Variants in TRPM3 observed in about 807,000 individuals in gnomAD.
TRPM3 encodes transient receptor potential cation channel subfamily M member 3.
TRPM3 carries 77 observed loss-of-function variants against 181.2 expected under a neutral mutation model. The ratio of observed to expected loss-of-function variants is 0.42; its 90% CI spans 0.35 to 0.51. The LOEUF (loss-of-function observed/expected upper bound fraction) is 0.51, where lower values mean the gene tolerates loss of function less well. Among genes scored for constraint, TRPM3 ranks in the 20% least tolerant of loss-of-function variants. TRPM3 has a pLI of 0.01. For missense variants in TRPM3, 1,759 were observed against 2,196.7 expected (o/e 0.80, Z 3.98); for synonymous variants, 745 against 796.4 (o/e 0.94, Z 1.09).
chr9:70,800,729 A>G (rs544729955), intron 6 of TRPM3, among the ~76,000 whole-genome samples: 1 of 152,324 alleles, frequency 6.6e-6, no homozygotes, highest in East Asian at 1.9e-4. Flanking sequence ...AGAATACAGT[A>G]TATAATATAC....
intron 1 of TRPM3, among the ~76,000 whole-genome samples, chr9:70,942,930 A>T (rs1284167769): frequency 6.6e-6 from 1 of 152,130 alleles, no homozygotes; most frequent in Non-Finnish European, 1.5e-5. Flanking sequence ...GGCTTTGGGG[A>T]TTAAAGATAA....
chr9:70,681,593 A>G lies in TRPM3; in HGVS notation c.1273-15T>C, dbSNP rs376718093. ...AATACCGTAATCTGCAATTTGAGAC[A>G]AGGTGATCATTAGCAAAGCATTTTT... On this transcript the variant is annotated splice_polypyrimidine_tract_variant and intron_variant, in intron 8 of 25. Transcript: ENST00000677713. 1.2e-6 allele frequency: 2 copies of G among 1,612,590 alleles called. No homozygotes were observed. Among genetic ancestry groups the G allele is most frequent in the African/African-American group, 2.7e-5 (2 of 74,882 alleles).
At chr9:71,137,024 A>G (rs543846343) in intron 1 of TRPM3, among the ~76,000 whole-genome samples, 12 of 152,328 alleles carry the variant, frequency 7.9e-5, no homozygotes, top group African/African-American at 2.9e-4. Context: ...GCATCTGTGT[A>G]GAAAATGGAC....
chr9:71,375,901 C>A (rs1298902825), intron 1 of TRPM3, among the ~76,000 whole-genome samples: 6 of 152,052 alleles, frequency 3.9e-5, no homozygotes, highest in Admixed American at 3.9e-4. Context: ...ATACATAATA[C>A]ACTACAGTGT....
chr9:70,858,941 C>T (rs189692952), intron 3 of TRPM3, among the ~76,000 whole-genome samples: 20 of 152,188 alleles, frequency 1.3e-4, no homozygotes, highest in East Asian at 3.9e-4. Context: ...AGGTCAGGGG[C>T]GGGTATGTAC....
intron 1 of TRPM3, among the ~76,000 whole-genome samples, chr9:71,284,727 C>T (rs1019662133): frequency 6.6e-6 from 1 of 152,164 alleles, no homozygotes. Context: ...TAACTTTGCA[C>T]TTTACCATAA....
At chr9:70,687,350 GAAGTAA>G (rs2067234799) in intron 8 of TRPM3, among the ~76,000 whole-genome samples, 1 of 152,128 alleles carries the variant, frequency 6.6e-6, no homozygotes, top group Non-Finnish European at 1.5e-5. Context: ...AAATTGGGTA[GAAGTAA>G]AAGTTATTAA....
intron 1 of TRPM3, among the ~76,000 whole-genome samples, chr9:70,962,846 C>T (rs563038327): frequency 5.2e-4 from 79 of 152,046 alleles, no homozygotes; most frequent in African/African-American, 1.7e-3. Context: ...ACCAAATCAC[C>T]GGGGGGACAA....
At chr9:70,949,565 G>A (rs1483017660) in intron 1 of TRPM3, among the ~76,000 whole-genome samples, 1 of 151,294 alleles carries the variant, frequency 6.6e-6, no homozygotes, top group Non-Finnish European at 1.5e-5. Flanking sequence ...TTTTAGTGAT[G>A]GGGTCTTGGT....
At chr9:71,171,263 C>T (rs1257583547) in intron 1 of TRPM3, among the ~76,000 whole-genome samples, 2 of 152,200 alleles carry the variant, frequency 1.3e-5, no homozygotes, top group South Asian at 4.1e-4. Context: ...CCTGTGATCT[C>T]ACCCTGCCTC....
At chr9:71,235,933 C>T (rs1451976499) in intron 1 of TRPM3, among the ~76,000 whole-genome samples, 1 of 152,166 alleles carries the variant, frequency 6.6e-6, no homozygotes, top group East Asian at 1.9e-4. Flanking sequence ...TAGGATCGAG[C>T]TTACAAAATG....
intron 8 of TRPM3, among the ~76,000 whole-genome samples, chr9:70,739,592 T>G (rs1312041936): frequency 2.0e-5 from 3 of 151,838 alleles, no homozygotes; most frequent in Non-Finnish European, 4.4e-5. Flanking sequence ...CACTTTTTTA[T>G]TATTTATTTT....
chr9:70,859,975 C>G (rs904290993), intron 3 of TRPM3, among the ~76,000 whole-genome samples: 6 of 152,172 alleles, frequency 3.9e-5, no homozygotes, highest in Non-Finnish European at 8.8e-5. Context: ...GTCACCAATG[C>G]CATTCACTGG....
intron 1 of TRPM3, among the ~76,000 whole-genome samples, chr9:71,351,021 G>A (rs2091595110): frequency 6.6e-6 from 1 of 152,102 alleles, no homozygotes; most frequent in Non-Finnish European, 1.5e-5. Flanking sequence ...TTTTTGATTT[G>A]GAATCCAAGA....
intron 1 of TRPM3, among the ~76,000 whole-genome samples, chr9:70,924,941 A>G (rs2096705766): frequency 6.6e-6 from 1 of 152,172 alleles, no homozygotes; most frequent in Non-Finnish European, 1.5e-5. Context: ...GGAGAAGATG[A>G]TGATCGCTGA....
Position 70,853,162 on chromosome 9 carries a change from T to C in TRPM3, c.463-6571A>G, listed in dbSNP as rs1340198899. Among the ~76,000 whole-genome samples the C allele has an allele frequency of 2.0e-5, 3 of 152,214 alleles. No homozygotes were observed. In the East Asian group the frequency reaches 5.8e-4, roughly 29 times the overall value. ...GCAATCATGGGACTCTTCAAAAGAA[T>C]CTGTTCCATTCTTTTGCTTTTCAAA... On this transcript the variant is annotated intron_variant, in intron 3 of 25. Coordinates refer to ENST00000677713, the MANE Select transcript of TRPM3 (RefSeq NM_001366145.2).
rs766611861 is a variant in TRPM3 at position 70,991,090 on chromosome 9, T to C, written c.178-126579A>G. ...CCAGAATGAAATCTTTCTAATTGCT[T>C]GCCCTTCCTTCAGCCTCAAAATATC... On this transcript the variant is annotated intron_variant, in intron 1 of 25. Coordinates refer to ENST00000677713, the MANE Select transcript of TRPM3 (RefSeq NM_001366145.2). Among the ~76,000 whole-genome samples the C allele has an allele frequency of 5.9e-5, 9 of 152,322 alleles. No individual in the cohort carries two copies. The South Asian group carries it at 6.2e-4, about 11-fold the overall frequency.
intron 9 of TRPM3, among the ~76,000 whole-genome samples, chr9:70,673,016 A>C (rs551726515): frequency 6.6e-6 from 1 of 152,186 alleles, no homozygotes. Flanking sequence ...GTATCTTCCA[A>C]AGCCTAATGT....
chr9:71,342,648 C>A (rs1282232178), intron 1 of TRPM3, among the ~76,000 whole-genome samples: 3 of 152,034 alleles, frequency 2.0e-5, no homozygotes, highest in Admixed American at 1.3e-4. Context: ...TTTTGAAAGA[C>A]AATGCAGCAG....
Sources: gnomAD v4.1 joint callset for allele counts (sites outside exome capture counted in the v4.1 genomes callset) on GRCh38, gnomAD v4.1.1 for gene constraint, MANE v1.5 for transcripts, NCBI Gene and HGNC (gene_info 2026-07-23, HGNC 2026-07-21) for gene names.